The following WHRN variants were observed in gnomAD, a reference collection of about 807,000 sequenced individuals.
WHRN encodes the protein CASK-interacting protein CIP98.
In WHRN, 41 loss-of-function variants were observed where a neutral mutation model predicts 68.3. The observed-to-expected ratio is 0.60, with a 90% CI of 0.47 to 0.78. The LOEUF (loss-of-function observed/expected upper bound fraction) is 0.78, where lower values mean the gene tolerates loss of function less well. Among genes scored for constraint, WHRN ranks in the 30% least tolerant of loss-of-function variants. The pLI is 0.00. For synonymous variants in WHRN, 560 were observed against 561.3 expected, an observed-to-expected ratio of 1.00 and a Z score of 0.03; for missense variants, 1,243 against 1,244.7, an observed-to-expected ratio of 1.00 and a Z score of 0.02.
At chr9:114,413,239 A>G (rs1762399421) in intron 7 of WHRN, among the ~76,000 whole-genome samples, 1 of 152,254 alleles carries the variant, frequency 6.6e-6, no homozygotes, top group Admixed American at 6.5e-5. Context: ...AACAGAAAAG[A>G]GAGAAAACAG....
chr9:114,478,931 G>A (rs1219190438), intron 1 of WHRN, among the ~76,000 whole-genome samples, 160 bp from the exon 2 acceptor site: 2 of 152,176 alleles, frequency 1.3e-5, no homozygotes, highest in Admixed American at 6.5e-5. Context: ...ATTTTGTCCT[G>A]TGAAAACAAG....
chr9:114,406,288 C>A, intron 9 of WHRN, 67 bp downstream of exon 9: 2 of 1,604,718 alleles, frequency 1.2e-6, no homozygotes, highest in South Asian at 2.2e-5. Flanking sequence ...ACTGTGTCAT[C>A]AGGTAGACTG....
chr9:114,425,038 C>T lies in WHRN; in HGVS notation c.1167-14G>A. The T allele has an allele frequency of 1.9e-6, 3 of 1,614,062 alleles. No homozygotes were observed. The highest frequency in any genetic ancestry group is 2.5e-6 in the Non-Finnish European group (3 of 1,179,954). On this transcript the variant is annotated splice_polypyrimidine_tract_variant and intron_variant, in intron 4 of 11. Coordinates refer to ENST00000362057, the MANE Select transcript of WHRN (RefSeq NM_015404.4). ...TCGCCAAGAAACCTGTGGGGAAAGA[C>T]ACACATCTCCAGTTGTGCATTTGAG...
At position 114,466,397 on chromosome 9, in the gene WHRN, C is replaced by T. The variant is rs775889426; in HGVS notation, c.838-5G>A. On this transcript the variant is annotated splice_region_variant and splice_polypyrimidine_tract_variant and intron_variant, in intron 2 of 11. Transcript: ENST00000362057. ...GTCCCCCAGCACCAGGTTCACCTGTCAGAGGGAGAGGATAACATTAGAGGG... is the reference window on the plus strand; with the variant it reads ...GTCCCCCAGCACCAGGTTCACCTGTTAGAGGGAGAGGATAACATTAGAGGG... The T allele has an allele frequency of 6.2e-7, 1 of 1,613,984 alleles. No homozygotes were observed. The highest frequency in any genetic ancestry group is 8.5e-7 in the Non-Finnish European group (1 of 1,180,026).
intron 4 of WHRN, 129 bp downstream of exon 4, chr9:114,426,082 G>A: frequency 8.2e-7 from 1 of 1,212,524 alleles, no homozygotes; most frequent in East Asian, 2.4e-5. Context: ...TCCTGCCAAT[G>A]GAGGGCCCTG....
intron 3 of WHRN, among the ~76,000 whole-genome samples, chr9:114,448,233 T>C (rs1839007079): frequency 6.6e-6 from 1 of 151,828 alleles, no homozygotes; most frequent in Non-Finnish European, 1.5e-5. Flanking sequence ...GACAGGGAGA[T>C]TTGAGCCACA....
At chr9:114,462,987 C>G (rs1156454067) in intron 3 of WHRN, among the ~76,000 whole-genome samples, 2 of 152,182 alleles carry the variant, frequency 1.3e-5, no homozygotes, top group Non-Finnish European at 2.9e-5. Context: ...CTCTGGAATG[C>G]TCCCTCTCTC....
At chr9:114,437,515 C>G (rs571210906) in intron 3 of WHRN, among the ~76,000 whole-genome samples, 6 of 152,244 alleles carry the variant, frequency 3.9e-5, no homozygotes, top group Non-Finnish European at 8.8e-5. Flanking sequence ...CCTACCCTAA[C>G]CCTGAATCTG....
chr9:114,471,588 C>T (rs917323622), intron 2 of WHRN, among the ~76,000 whole-genome samples: 5 of 152,214 alleles, frequency 3.3e-5, no homozygotes, highest in East Asian at 1.9e-4. Context: ...TGCAACCTGC[C>T]GGGGGCCAGC....
At chr9:114,454,983 G>A (rs901671457) in intron 3 of WHRN, among the ~76,000 whole-genome samples, 9 of 131,012 alleles carry the variant, frequency 6.9e-5, no homozygotes, top group African/African-American at 2.6e-4. Flanking sequence ...TCAGCAGATG[G>A]TGCTAGAACA....
At chr9:114,464,075 T>C (rs1840461976) in intron 3 of WHRN, among the ~76,000 whole-genome samples, 1 of 152,214 alleles carries the variant, frequency 6.6e-6, no homozygotes, top group Non-Finnish European at 1.5e-5. Flanking sequence ...AAACACCACA[T>C]GTATCCCACA....
chr9:114,433,090 C>T (rs1477506290), intron 3 of WHRN, among the ~76,000 whole-genome samples: 1 of 152,198 alleles, frequency 6.6e-6, no homozygotes, highest in East Asian at 1.9e-4. Flanking sequence ...TTCATTCTAC[C>T]AGCCAGCAAG....
At chr9:114,407,457 G>A (rs1299062643) in intron 8 of WHRN, among the ~76,000 whole-genome samples, 1 of 152,174 alleles carries the variant, frequency 6.6e-6, no homozygotes, top group African/African-American at 2.4e-5. Flanking sequence ...TTAGCACAGT[G>A]CCTGCGCCAC....
intron 3 of WHRN, among the ~76,000 whole-genome samples, chr9:114,464,222 G>C (rs1840475223): frequency 6.6e-6 from 1 of 152,214 alleles, no homozygotes; most frequent in Non-Finnish European, 1.5e-5. Flanking sequence ...GAGCATCTGG[G>C]AAAGAAGACA....
intron 3 of WHRN, among the ~76,000 whole-genome samples, chr9:114,459,646 C>G (rs1418522983): frequency 6.6e-6 from 1 of 152,166 alleles, no homozygotes; most frequent in Non-Finnish European, 1.5e-5. Context: ...GCTTGGCTGG[C>G]TTCACCAATG....
intron 1 of WHRN, among the ~76,000 whole-genome samples, chr9:114,499,257 C>T (rs1242841924): frequency 6.6e-6 from 1 of 152,126 alleles, no homozygotes; most frequent in East Asian, 1.9e-4. Flanking sequence ...TTCCGCTTGC[C>T]AGGCTTTAAC....
Position 114,504,817 on chromosome 9 carries a change from C to G in WHRN, c.-16G>C, listed in dbSNP as rs751990191. 7.2e-7 allele frequency: 1 copy of G among 1,392,614 alleles called. No individual in the cohort carries two copies. Among genetic ancestry groups the G allele is most frequent in the Admixed American group, 3.7e-5 (1 of 27,110 alleles). 86.3% of individuals were successfully genotyped at this position (1,392,614 alleles called of 1,614,324 possible). A position where few individuals can be genotyped will look rare whatever the true frequency, so the allele number is the denominator to read the frequency against. ...GCGCGTTCATCTCCACGCCGAGGCC[C>G]GGCCGGGCTCTGAGCGCGCGGGGTG... On this transcript the variant is annotated 5_prime_UTR_variant, in exon 1 of 12. Transcript: ENST00000362057.
At chr9:114,407,628 A>G (rs543638807) in intron 8 of WHRN, among the ~76,000 whole-genome samples, 1 of 152,314 alleles carries the variant, frequency 6.6e-6, no homozygotes, top group Admixed American at 6.5e-5. Flanking sequence ...TGGGGTAGGT[A>G]TGCTATGATC....
At position 114,504,900 on chromosome 9, in the gene WHRN, G is replaced by A; in HGVS notation, c.-99C>T. ...GCGACAGCTGGATCCCCGGGAGCGCGGAGACGACGGCTGGAGCCTGGGTTT... is the reference window on the plus strand; with the variant it reads ...GCGACAGCTGGATCCCCGGGAGCGCAGAGACGACGGCTGGAGCCTGGGTTT... On this transcript the variant is annotated 5_prime_UTR_variant, in exon 1 of 12. Transcript: ENST00000362057. The A allele has an allele frequency of 7.6e-7, 1 of 1,321,914 alleles. No individual in the cohort carries two copies. The highest frequency in any genetic ancestry group is 2.1e-5 in the South Asian group (1 of 46,758). 81.9% of individuals were successfully genotyped at this position (1,321,914 alleles called of 1,614,324 possible).
Sources: gnomAD v4.1 joint callset for allele counts (sites outside exome capture counted in the v4.1 genomes callset) on GRCh38, gnomAD v4.1.1 for gene constraint, MANE v1.5 for transcripts, NCBI Gene and HGNC (gene_info 2026-07-23, HGNC 2026-07-21) for gene names.